Variants in CEP295 observed in about 807,000 individuals in gnomAD.
CEP295 encodes the protein centrosomal protein of 295 kDa.
A neutral mutation model predicts 291.6 loss-of-function variants in CEP295; 190 were observed. That is an observed-to-expected ratio of 0.65 (90% CI 0.58 to 0.73). The LOEUF is 0.73. Ranked by LOEUF, CEP295 falls within the 30% of genes least tolerant of loss-of-function variation. The pLI is 0.00. For missense variants in CEP295, 2,863 were observed against 2,949.4 expected (o/e 0.97, Z 0.68); for synonymous variants, 993 against 1,038.8 (o/e 0.96, Z 0.85).
chr11:93,687,815 C>A lies in CEP295; in HGVS notation c.1286C>A (p.Ser429Ter). The change falls in exon 10 of 30, where the codon TCA (serine) becomes TAA (stop). Residue 429 changes from serine (S) to a stop codon, truncating the protein, a stop_gained. Coordinates refer to ENST00000325212, the MANE Select transcript of CEP295 (RefSeq NM_033395.2). LOFTEE classifies it high-confidence loss of function. The part of the protein sequence containing the change: ...EIESKAPTVE[S>*]GTIASKERTL... Reference sequence around the variant, plus strand: ...GAGAGTAAAGCACCAACGGTTGAGTCAGGAACAATTGCCAGCAAAGAGAGA... The same window carrying A: ...GAGAGTAAAGCACCAACGGTTGAGTAAGGAACAATTGCCAGCAAAGAGAGA... 1 of 1,551,226 alleles carries A rather than the reference C, an allele frequency of 6.4e-7. No individual in the cohort carries two copies. Among genetic ancestry groups the A allele is most frequent in the South Asian group, 1.2e-5 (1 of 84,008 alleles).
At chr11:93,710,068 C>T (rs1952797752) in intron 18 of CEP295, among the ~76,000 whole-genome samples, 1 of 152,004 alleles carries the variant, frequency 6.6e-6, no homozygotes, top group Admixed American at 6.6e-5. Context: ...GATATAAGCT[C>T]GTATCAAAGG....
chr11:93,711,142 C>G (rs1389404275), intron 18 of CEP295, among the ~76,000 whole-genome samples: 4 of 151,968 alleles, frequency 2.6e-5, no homozygotes, highest in Non-Finnish European at 5.9e-5. Flanking sequence ...CTTCCACCAA[C>G]CTTAGGTTTG....
Position 93,700,181 on chromosome 11 carries a change from A to G in CEP295, c.5269A>G (p.Ser1757Gly). The change falls in exon 15 of 30, where the codon AGT becomes GGT. Residue 1757 changes from serine to glycine, a missense_variant. This residue lies in a region of CEP295 where 2,295 missense variants were observed against 2,335.7 expected (regional missense o/e 0.98). Coordinates refer to ENST00000325212, the MANE Select transcript of CEP295 (RefSeq NM_033395.2). ...GACTTTGAAGGATTTCTTTAAAGAC[A>G]GTCAGGTATGTTTTAAACCTGAATA... ...EETLKDFFKD[S>G]QISKPTVEND... 6.5e-7 allele frequency: 1 copy of G among 1,545,280 alleles called. No individual in the cohort carries two copies. Among genetic ancestry groups the G allele is most frequent in the Non-Finnish European group, 8.7e-7 (1 of 1,144,866 alleles).
At chr11:93,712,066 T>A (rs974332867) in intron 18 of CEP295, among the ~76,000 whole-genome samples, 2 of 152,166 alleles carry the variant, frequency 1.3e-5, no homozygotes, top group East Asian at 3.9e-4. Flanking sequence ...TCTCCAGCTA[T>A]TATTTTACTG....
In CEP295 at chr11:93,697,481, C is replaced by T; in HGVS notation, c.2569C>T (p.Gln857Ter). Reference sequence around the variant, plus strand: ...GGCCCTCCAAGAACAGTTAGACCTACAGAAGAAAGTTCTTCAGGCAACTCA... The same window carrying T: ...GGCCCTCCAAGAACAGTTAGACCTATAGAAGAAAGTTCTTCAGGCAACTCA... Reference protein sequence around the residue: ...MKALQEQLDLQKKVLQATQEA... With the variant: ...MKALQEQLDL The change falls in exon 15 of 30, where the codon CAG becomes TAG. Residue 857 changes from glutamine (Q) to a stop codon, truncating the protein, a stop_gained. Coordinates refer to ENST00000325212, the MANE Select transcript of CEP295 (RefSeq NM_033395.2). LOFTEE classifies it high-confidence loss of function. The T allele has an allele frequency of 6.4e-7, 1 of 1,552,026 alleles. No individual in the cohort carries two copies.
Position 93,699,241 on chromosome 11 carries a change from G to A in CEP295, c.4329G>A (p.Leu1443=). The change falls in exon 15 of 30, where the codon TTG becomes TTA. Residue 1443 remains leucine (L), a synonymous_variant. Transcript: ENST00000325212. ...SEIPTLPDGL[L]GLSHLVLPQQ... ...TACCAACATTGCCTGATGGGCTGTT[G>A]GGTTTATCACATCTTGTTTTACCTC... is the stretch of plus-strand genomic sequence containing the variant. 1 of 1,551,808 alleles carries A rather than the reference G, an allele frequency of 6.4e-7. No homozygotes were observed. Among genetic ancestry groups the A allele is most frequent in the Non-Finnish European group, 8.7e-7 (1 of 1,146,992 alleles).
At chr11:93,681,847 G>A (rs1009442031) in intron 7 of CEP295, among the ~76,000 whole-genome samples, 5 of 90,202 alleles carry the variant, frequency 5.5e-5, no homozygotes, top group Non-Finnish European at 7.2e-5. Context: ...AAGCCTGGCT[G>A]TTTTTTGTTT....
In CEP295 at chr11:93,697,734, A is replaced by G. The variant is rs1425993664; in HGVS notation, c.2822A>G (p.Gln941Arg). The G allele has an allele frequency of 6.4e-7, 1 of 1,551,696 alleles. No homozygotes were observed. The highest frequency in any genetic ancestry group is 8.7e-7 in the Non-Finnish European group (1 of 1,146,974). The change falls in exon 15 of 30, where the codon CAG (glutamine) becomes CGG (arginine). Residue 941 changes from glutamine (Q) to arginine (R), a missense_variant. Coordinates refer to ENST00000325212, the MANE Select transcript of CEP295 (RefSeq NM_033395.2). ...CAGGATAAGCGTTTGAGTCTTTCAC[A>G]GCCTATCCTATCACAGCAAAATAAT... is the stretch of plus-strand genomic sequence containing the variant. The part of the protein sequence containing the change: ...QLQDKRLSLS[Q>R]PILSQQNNFK...
chr11:93,716,730 T>C (rs542981004), intron 18 of CEP295, among the ~76,000 whole-genome samples: 20 of 152,302 alleles, frequency 1.3e-4, no homozygotes, highest in African/African-American at 2.4e-4. Flanking sequence ...GTTAATCAAA[T>C]TGTAACAAGT....
At chr11:93,728,871 G>C (rs1937823485) in intron 25 of CEP295, 50 bp downstream of exon 25, 1 of 1,470,316 alleles carries the variant, frequency 6.8e-7, no homozygotes, top group Non-Finnish European at 9.1e-7. Flanking sequence ...CAAACCAGTT[G>C]ATTTGTCTCT....
At chr11:93,683,436 C>G (rs1022030226) in intron 7 of CEP295, 123 bp from the exon 8 acceptor site, 1 of 667,392 alleles carries the variant, frequency 1.5e-6, no homozygotes, top group Admixed American at 3.7e-5. Context: ...TTTGGCTGAA[C>G]AAATAATAGA....
intron 20 of CEP295, chr11:93,722,646 T>C: frequency 5.9e-6 from 1 of 168,964 alleles, no homozygotes; most frequent in African/African-American, 2.4e-5. Context: ...CACTGATCTC[T>C]TAACAATATG....
rs1167943998 is a variant in CEP295, at chr11:93,691,695, A to T, written c.1349A>T (p.Asp450Val). The change falls in exon 11 of 30, where the codon GAT (aspartate) becomes GTT (valine). Residue 450 changes from aspartate (D) to valine (V), a missense_variant. Physicochemically the swap from Asp to Val is radical, Grantham distance 152. Transcript: ENST00000325212. ...TTATCTATTACAGTTGTTGAAAGTG[A>T]TACACTAACAATTGAGTCTGGACCA... ...SSGQEQVVES[D>V]TLTIESGPLA... The T allele has an allele frequency of 6.5e-7, 1 of 1,537,272 alleles. No individual in the cohort carries two copies. The highest frequency in any genetic ancestry group is 8.8e-7 in the Non-Finnish European group (1 of 1,137,140).
chr11:93,717,938 G>T (rs1175519827), intron 18 of CEP295, among the ~76,000 whole-genome samples: 3 of 152,260 alleles, frequency 2.0e-5, no homozygotes, highest in Non-Finnish European at 2.9e-5. Context: ...TTGAGACAGG[G>T]TCTTGCTCTA....
At chr11:93,669,034 G>A in intron 4 of CEP295, 102 bp downstream of exon 4, 2 of 595,702 alleles carry the variant, frequency 3.4e-6, no homozygotes, top group African/African-American at 1.9e-5. Context: ...AAACATAGTA[G>A]CATATTCATT....
intron 6 of CEP295, 109 bp from the exon 7 acceptor site, chr11:93,679,297 ACTCTTC>A: frequency 8.1e-6 from 7 of 864,524 alleles, no homozygotes; most frequent in Non-Finnish European, 1.2e-5. Context: ...TTAAAATATA[ACTCTTC>A]TTATATTTTA....
At chr11:93,668,679 G>A in intron 3 of CEP295, 129 bp from the exon 4 acceptor site, 1 of 659,830 alleles carries the variant, frequency 1.5e-6, no homozygotes, top group Admixed American at 3.5e-5. Flanking sequence ...CTGTTGTCAT[G>A]CTCTGGGAAA....
chr11:93,695,758 C>T, intron 13 of CEP295, 124 bp downstream of exon 13: 2 of 1,159,144 alleles, frequency 1.7e-6, no homozygotes, highest in Non-Finnish European at 2.3e-6. Flanking sequence ...TGCCTGTAAT[C>T]TCAGCACTTT....
intron 6 of CEP295, among the ~76,000 whole-genome samples, chr11:93,678,584 G>A (rs968656177): frequency 6.6e-6 from 1 of 152,118 alleles, no homozygotes; most frequent in South Asian, 2.1e-4. Flanking sequence ...TTTACTGCTG[G>A]TTACATTTAG....
Sources: allele counts gnomAD v4.1 joint callset (sites outside exome capture counted in the v4.1 genomes callset), GRCh38; gene constraint gnomAD v4.1.1; regional missense constraint gnomAD v4.1.1; transcripts MANE v1.5; gene names NCBI Gene and HGNC (gene_info 2026-07-23, HGNC 2026-07-21).